CAMKMT: variants seen among roughly 807,000 people sequenced by gnomAD.
CAMKMT encodes the protein CaM KMT.
CAMKMT carries 53 observed loss-of-function variants against 48.0 expected under a neutral mutation model. The ratio of observed to expected loss-of-function variants is 1.10; its 90% CI spans 0.89 to 1.39. The LOEUF (loss-of-function observed/expected upper bound fraction) is 1.39. Among genes scored for constraint, CAMKMT ranks in the 40% most tolerant of loss-of-function variants. The pLI is 0.00. For synonymous variants in CAMKMT, 165 were observed against 152.3 expected, an observed-to-expected ratio of 1.08 and a Z score of -0.61; for missense variants, 428 against 402.7, an observed-to-expected ratio of 1.06 and a Z score of -0.54.
intron 6 of CAMKMT, among the ~76,000 whole-genome samples, chr2:44,708,211 A>AT (rs59281575): frequency 0.012 from 792 of 68,150 alleles, 36 homozygotes; most frequent in Admixed American, 0.051. Context: ...TTTGCTTTGG[A>AT]TTTTTTTTTT....
chr2:44,685,152 A>G (rs1034183695), intron 3 of CAMKMT, among the ~76,000 whole-genome samples: 1 of 152,112 alleles, frequency 6.6e-6, no homozygotes, highest in Non-Finnish European at 1.5e-5. Flanking sequence ...AAATTATTTT[A>G]ATGAAACCTT....
chr2:44,366,484 ATTG>A (rs1355629675), intron 1 of CAMKMT, among the ~76,000 whole-genome samples: 1 of 151,970 alleles, frequency 6.6e-6, no homozygotes, highest in Non-Finnish European at 1.5e-5. Context: ...ATCTTGTTGT[ATTG>A]TTCATCTTTT....
intron 9 of CAMKMT, among the ~76,000 whole-genome samples, chr2:44,763,377 A>C (rs138616313): frequency 0.012 from 1,815 of 152,332 alleles, 25 homozygotes; most frequent in African/African-American, 0.041. Flanking sequence ...TCAAAGGAAT[A>C]AGCAATAGAA....
intron 3 of CAMKMT, among the ~76,000 whole-genome samples, chr2:44,701,213 C>T (rs1677240625): frequency 6.6e-6 from 1 of 152,168 alleles, no homozygotes; most frequent in South Asian, 2.1e-4. Flanking sequence ...ACACAATTTT[C>T]CAAAGTGGCT....
intron 3 of CAMKMT, among the ~76,000 whole-genome samples, chr2:44,662,845 T>C (rs574317276): frequency 1.3e-5 from 2 of 152,328 alleles, no homozygotes; most frequent in South Asian, 2.1e-4. Flanking sequence ...ATTAGAGATG[T>C]GTGCTATTGT....
intron 3 of CAMKMT, among the ~76,000 whole-genome samples, chr2:44,686,992 G>T (rs1456676004): frequency 6.6e-6 from 1 of 152,216 alleles, no homozygotes; most frequent in Non-Finnish European, 1.5e-5. Context: ...TCATGTAAAA[G>T]TGTCTAATGG....
At chr2:44,508,763 A>C (rs920532057) in intron 3 of CAMKMT, among the ~76,000 whole-genome samples, 2 of 152,130 alleles carry the variant, frequency 1.3e-5, no homozygotes, top group African/African-American at 4.8e-5. Flanking sequence ...TATTATGTTA[A>C]AGGCAGTGGA....
chr2:44,678,233 A>C (rs1384862239), intron 3 of CAMKMT, among the ~76,000 whole-genome samples: 3 of 152,228 alleles, frequency 2.0e-5, no homozygotes, highest in South Asian at 4.1e-4. Flanking sequence ...GTGATGGTGC[A>C]CTTCAGATTA....
chr2:44,758,986 G>A (rs537372141), intron 9 of CAMKMT, among the ~76,000 whole-genome samples: 17 of 152,318 alleles, frequency 1.1e-4, no homozygotes, highest in African/African-American at 3.8e-4. Flanking sequence ...CTAACCAACT[G>A]TCAAGAATTC....
intron 3 of CAMKMT, among the ~76,000 whole-genome samples, chr2:44,527,333 A>AT (rs1250121044): frequency 6.9e-6 from 1 of 144,110 alleles, no homozygotes; most frequent in Non-Finnish European, 1.5e-5. Context: ...ATATACATAT[A>AT]TAATACATAT....
intron 2 of CAMKMT, among the ~76,000 whole-genome samples, chr2:44,379,711 A>G (rs549034657): frequency 3.9e-4 from 55 of 142,394 alleles, no homozygotes; most frequent in African/African-American, 1.4e-3. Flanking sequence ...GGCCATTTGT[A>G]TTTTTTTTCT....
intron 3 of CAMKMT, among the ~76,000 whole-genome samples, chr2:44,531,353 C>T (rs1031510094): frequency 5.3e-5 from 8 of 152,022 alleles, no homozygotes. Flanking sequence ...AAATTGTCCT[C>T]TTTAATATAC....
intron 3 of CAMKMT, among the ~76,000 whole-genome samples, chr2:44,497,253 G>A (rs980029036): frequency 1.3e-5 from 2 of 152,096 alleles, no homozygotes; most frequent in Non-Finnish European, 2.9e-5. Context: ...AATATTTTGT[G>A]TATGTTTATT....
intron 1 of CAMKMT, among the ~76,000 whole-genome samples, chr2:44,365,156 A>G (rs1223885026): frequency 2.0e-5 from 3 of 152,336 alleles, no homozygotes; most frequent in African/African-American, 4.8e-5. Flanking sequence ...TGCTAGAGAT[A>G]TGTGACTCCT....
At chr2:44,710,065 T>G (rs2104288188) in intron 6 of CAMKMT, among the ~76,000 whole-genome samples, 1 of 152,156 alleles carries the variant, frequency 6.6e-6, no homozygotes, top group East Asian at 1.9e-4. Flanking sequence ...CTGAATCTTC[T>G]TAGTCTCTTA....
chr2:44,550,293 C>A (rs1334141361), intron 3 of CAMKMT, among the ~76,000 whole-genome samples: 1 of 151,488 alleles, frequency 6.6e-6, no homozygotes, highest in Non-Finnish European at 1.5e-5. Flanking sequence ...CCCAGCTACT[C>A]TAGAGGCTGA....
At chr2:44,380,257 G>A (rs1680105738) in intron 2 of CAMKMT, among the ~76,000 whole-genome samples, 1 of 152,086 alleles carries the variant, frequency 6.6e-6, no homozygotes, top group African/African-American at 2.4e-5. Flanking sequence ...GTTTGGCCCT[G>A]GGGAGAAGAA....
chr2:44,523,327 C>A (rs978934234), intron 3 of CAMKMT, among the ~76,000 whole-genome samples: 1 of 146,092 alleles, frequency 6.8e-6, no homozygotes, highest in Non-Finnish European at 1.5e-5. Context: ...GAGTCTCACT[C>A]TGTCGCCCAG....
At chr2:44,437,738 C>G (rs566750215) in intron 3 of CAMKMT, among the ~76,000 whole-genome samples, 1 of 148,922 alleles carries the variant, frequency 6.7e-6, no homozygotes. Context: ...CCCAGCTACT[C>G]GGGAGGTTGA....
Sources: allele counts gnomAD v4.1 joint callset (sites outside exome capture counted in the v4.1 genomes callset), GRCh38; gene constraint gnomAD v4.1.1; transcripts MANE v1.5; gene names NCBI Gene and HGNC (gene_info 2026-07-23, HGNC 2026-07-21).